SLC25A13: variants seen among roughly 807,000 people sequenced by gnomAD.
SLC25A13 encodes the protein solute carrier family 25 member 13.
In SLC25A13, 70 loss-of-function variants were observed where a neutral mutation model predicts 85.5. That is an observed-to-expected ratio of 0.82 (90% confidence interval 0.68 to 1.00). The LOEUF (loss-of-function observed/expected upper bound fraction) is 1.00. Among genes scored for constraint, SLC25A13 ranks in the 50% least tolerant of loss-of-function variants. The pLI is 0.00. For missense variants in SLC25A13, 765 were observed against 819.8 expected (o/e 0.93, Z 0.82); for synonymous variants, 259 against 288.7 (o/e 0.90, Z 1.04).
At chr7:96,281,279 T>A (rs1798666385) in intron 2 of SLC25A13, among the ~76,000 whole-genome samples, 1 of 150,500 alleles carries the variant, frequency 6.6e-6, no homozygotes, top group Non-Finnish European at 1.5e-5. Flanking sequence ...TAATCCCAGC[T>A]ACTCAAGAGG....
chr7:96,249,852 T>C (rs1797341571), intron 3 of SLC25A13, among the ~76,000 whole-genome samples: 1 of 142,096 alleles, frequency 7.0e-6, no homozygotes, highest in African/African-American at 2.6e-5. Flanking sequence ...CTTCAGAAAT[T>C]GGTTACTGTT....
At chr7:96,262,608 T>C (rs1417337234) in intron 3 of SLC25A13, among the ~76,000 whole-genome samples, 1 of 152,150 alleles carries the variant, frequency 6.6e-6, no homozygotes, top group Non-Finnish European at 1.5e-5. Flanking sequence ...AGGTTTTATA[T>C]TCACCTTATG....
intron 2 of SLC25A13, chr7:96,283,358 G>T: frequency 3.1e-6 from 1 of 318,834 alleles, no homozygotes; most frequent in South Asian, 3.2e-5. Context: ...CACCAAAATG[G>T]GATGAACACA....
intron 15 of SLC25A13, among the ~76,000 whole-genome samples, chr7:96,122,712 T>C (rs980733958): frequency 6.6e-6 from 1 of 152,076 alleles, no homozygotes; most frequent in Non-Finnish European, 1.5e-5. Context: ...TGATAATCAA[T>C]GAAAAAGGAA....
intron 14 of SLC25A13, 49 bp from the exon 15 acceptor site, chr7:96,131,930 G>T: frequency 6.2e-6 from 10 of 1,612,594 alleles, no homozygotes; most frequent in Non-Finnish European, 8.5e-6. Flanking sequence ...ATATCCCATT[G>T]AGGAGATCAA....
In SLC25A13 at chr7:96,213,210, A is replaced by T. The variant is rs890037585; in HGVS notation, c.329-4233T>A. On this transcript the variant is annotated intron_variant, in intron 4 of 17. Transcript: ENST00000265631. Reference sequence around the variant, plus strand: ...TTCCTGCAGGCTCATGAATAGAAACATCTATAAACTCAATAATCACTATGG... The same window carrying T: ...TTCCTGCAGGCTCATGAATAGAAACTTCTATAAACTCAATAATCACTATGG... Among the ~76,000 whole-genome samples the T allele has an allele frequency of 4.6e-5, 7 of 152,312 alleles. No homozygotes were observed. In the South Asian group the frequency reaches 1.0e-3, roughly 23 times the overall value.
chr7:96,196,564 G>A (rs1795071170), intron 5 of SLC25A13, among the ~76,000 whole-genome samples: 1 of 152,192 alleles, frequency 6.6e-6, no homozygotes, highest in Non-Finnish European at 1.5e-5. Context: ...CACATCCTGT[G>A]CCCACGCTTC....
chr7:96,309,731 C>T (rs965910140), intron 1 of SLC25A13: 1 of 152,160 alleles, frequency 6.6e-6, no homozygotes, highest in Non-Finnish European at 1.5e-5. Context: ...AAGATCACTT[C>T]CCTTCAGAAC....
chr7:96,188,701 C>A (rs1186560110), intron 9 of SLC25A13, among the ~76,000 whole-genome samples: 1 of 152,216 alleles, frequency 6.6e-6, no homozygotes, highest in African/African-American at 2.4e-5. Context: ...ACTCCCACAA[C>A]TTCAAGAGAT....
chr7:96,219,469 C>T (rs1365532718), intron 4 of SLC25A13, among the ~76,000 whole-genome samples: 2 of 152,154 alleles, frequency 1.3e-5, no homozygotes, highest in Non-Finnish European at 2.9e-5. Flanking sequence ...GGAAAGAACC[C>T]TATCCTTCTA....
intron 8 of SLC25A13, 76 bp from the exon 9 acceptor site, chr7:96,189,454 CCT>C (rs1491275708): frequency 6.4e-7 from 1 of 1,555,336 alleles, no homozygotes; most frequent in Non-Finnish European, 8.9e-7. Context: ...TAAAAACATC[CCT>C]TTTTTCATTT....
At chr7:96,185,469 T>G (rs926108315) in intron 9 of SLC25A13, among the ~76,000 whole-genome samples, 2 of 152,104 alleles carry the variant, frequency 1.3e-5, no homozygotes, top group African/African-American at 4.8e-5. Flanking sequence ...CATGGTGGCA[T>G]GTGCCTGTAG....
chr7:96,184,820 G>C, intron 10 of SLC25A13, 107 bp downstream of exon 10: 1 of 986,376 alleles, frequency 1.0e-6, no homozygotes, highest in Non-Finnish European at 1.6e-6. Flanking sequence ...AACTGGCATT[G>C]GGAAAGACTA....
Position 96,129,058 on chromosome 7 carries a change from G to A in SLC25A13, c.1591+2685C>T, listed in dbSNP as rs552225681. On this transcript the variant is annotated intron_variant, in intron 15 of 17. Coordinates refer to ENST00000265631, the MANE Select transcript of SLC25A13 (RefSeq NM_014251.3). ...ACCAATGGAGAGGCCCACATGACAA[G>A]GAACTGAGGCCTCCTGTCAACAGCT... Among the ~76,000 whole-genome samples, 14 of 149,174 alleles carry A rather than the reference G, an allele frequency of 9.4e-5. No individual in the cohort carries two copies. In the Admixed American group the frequency reaches 9.5e-4, roughly 10 times the overall value.
chr7:96,266,226 G>A (rs1288898946), intron 3 of SLC25A13, among the ~76,000 whole-genome samples: 2 of 152,158 alleles, frequency 1.3e-5, no homozygotes, highest in African/African-American at 2.4e-5. Flanking sequence ...CTTCTGAAAA[G>A]TTCTCAGGGA....
In SLC25A13 at chr7:96,155,970, C is replaced by T. The variant is rs369420399; in HGVS notation, c.1312-9274G>A. On this transcript the variant is annotated intron_variant, in intron 13 of 17. Coordinates refer to ENST00000265631, the MANE Select transcript of SLC25A13 (RefSeq NM_014251.3). ...GCTCAGAACCATTACGCCTAGTTGT[C>T]TCTTGTGAAAAAGCAGATTCAATAC... Among the ~76,000 whole-genome samples, 36 of 152,334 alleles carry T rather than the reference C, an allele frequency of 2.4e-4. No homozygotes were observed. In the East Asian group the frequency reaches 2.7e-3, roughly 11 times the overall value.
At chr7:96,312,889 T>C (rs1024688248) in intron 1 of SLC25A13, among the ~76,000 whole-genome samples, 7 of 152,218 alleles carry the variant, frequency 4.6e-5, no homozygotes, top group South Asian at 2.1e-4. Flanking sequence ...ACATGCTCCA[T>C]GGCCGTAGAA....
chr7:96,155,627 C>T (rs1023983263), intron 13 of SLC25A13, among the ~76,000 whole-genome samples: 3 of 152,166 alleles, frequency 2.0e-5, no homozygotes, highest in African/African-American at 7.2e-5. Context: ...CATCTTGAGA[C>T]ACTTTTCAAG....
chr7:96,126,233 G>A (rs1357872142), intron 15 of SLC25A13, among the ~76,000 whole-genome samples: 7 of 152,148 alleles, frequency 4.6e-5, no homozygotes, highest in Admixed American at 3.3e-4. Flanking sequence ...TGGACCCTCC[G>A]AACTGCTGAA....
Sources: gnomAD v4.1 joint callset for allele counts (sites outside exome capture counted in the v4.1 genomes callset) on GRCh38, gnomAD v4.1.1 for gene constraint, MANE v1.5 for transcripts, NCBI Gene and HGNC (gene_info 2026-07-23, HGNC 2026-07-21) for gene names.